Variants in HHAT observed in about 807,000 individuals in gnomAD.
HHAT encodes hedgehog acyltransferase, also known as protein-cysteine N-palmitoyltransferase HHAT.
Under a neutral mutation model 70.8 loss-of-function variants are expected in HHAT, and 47 were observed. The ratio of observed to expected loss-of-function variants is 0.66; its 90% CI spans 0.53 to 0.85. The LOEUF is 0.85. Among genes scored for constraint, HHAT ranks in the 40% least tolerant of loss-of-function variants. The pLI is 0.00. For missense variants in HHAT, 609 were observed against 604.8 expected, an observed-to-expected ratio of 1.01 and a Z score of -0.07; for synonymous variants, 228 against 247.6, an observed-to-expected ratio of 0.92 and a Z score of 0.74.
intron 3 of HHAT, among the ~76,000 whole-genome samples, chr1:210,386,222 C>CTTTTTTTTTTT (rs1295756019): frequency 1.4e-5 from 1 of 69,892 alleles, no homozygotes; most frequent in African/African-American, 5.3e-5. Flanking sequence ...GAGTCCTTTT[C>CTTTTTTTTTTT]TTTTTTTCTT....
In HHAT at chr1:210,473,042, C is replaced by G. The variant is rs564463093; in HGVS notation, c.1007+8387C>G. 5.9e-5 allele frequency among the ~76,000 whole-genome samples: 9 copies of G among 152,310 alleles called. No homozygotes were observed. The East Asian group carries it at 1.5e-3, about 26-fold the overall frequency. ...CTTCAGACCTTTAAAAGGTGCTCAA[C>G]TCTCAGCCAATCTCTTCAAGATCAG... On this transcript the variant is annotated intron_variant, in intron 8 of 11. Transcript: ENST00000261458.
intron 4 of HHAT, among the ~76,000 whole-genome samples, chr1:210,398,153 A>G (rs1435478056): frequency 6.6e-6 from 1 of 152,224 alleles, no homozygotes. Flanking sequence ...GATTCATTCC[A>G]ATAGCATTTT....
chr1:210,609,594 G>A (rs898236950), intron 10 of HHAT, among the ~76,000 whole-genome samples: 2 of 152,050 alleles, frequency 1.3e-5, no homozygotes, highest in Non-Finnish European at 2.9e-5. Flanking sequence ...GTGGTATGCT[G>A]CACAGATCAT....
intron 9 of HHAT, among the ~76,000 whole-genome samples, chr1:210,555,275 C>T (rs907186140): frequency 1.4e-4 from 22 of 152,200 alleles, no homozygotes; most frequent in East Asian, 1.9e-4. Flanking sequence ...TTCTACTCAC[C>T]CTGACCCCTC....
intron 9 of HHAT, among the ~76,000 whole-genome samples, chr1:210,577,975 C>T (rs1473571102): frequency 6.6e-6 from 1 of 152,004 alleles, no homozygotes; most frequent in Non-Finnish European, 1.5e-5. Flanking sequence ...ATGTCTTTGT[C>T]TGGCTTTGGT....
chr1:210,455,344 G>A (rs557431546), intron 7 of HHAT, among the ~76,000 whole-genome samples: 1 of 152,250 alleles, frequency 6.6e-6, no homozygotes, highest in Non-Finnish European at 1.5e-5. Flanking sequence ...ACAACACACC[G>A]CACCCTCATT....
intron 7 of HHAT, among the ~76,000 whole-genome samples, chr1:210,436,086 G>A (rs2093368049): frequency 6.6e-6 from 1 of 151,850 alleles, no homozygotes; most frequent in Non-Finnish European, 1.5e-5. Context: ...CAGTTTCATA[G>A]TTGCAGGTCT....
At chr1:210,539,299 AT>A (rs770746855) in intron 9 of HHAT, among the ~76,000 whole-genome samples, 2 of 152,174 alleles carry the variant, frequency 1.3e-5, no homozygotes, top group Non-Finnish European at 2.9e-5. Flanking sequence ...TGATTCAAGA[AT>A]TTTATATCCA....
intron 9 of HHAT, among the ~76,000 whole-genome samples, chr1:210,564,884 G>C (rs1654284538): frequency 1.3e-5 from 2 of 152,150 alleles, no homozygotes; most frequent in African/African-American, 4.8e-5. Context: ...GTCACTTAGA[G>C]ACTGTGTGTA....
intron 7 of HHAT, among the ~76,000 whole-genome samples, chr1:210,434,075 G>C (rs1278363104): frequency 6.6e-6 from 1 of 151,894 alleles, no homozygotes; most frequent in Non-Finnish European, 1.5e-5. Context: ...TAATTAATGA[G>C]GAAGTAAACA....
At chr1:210,655,637 T>A (rs181998582) in intron 11 of HHAT, among the ~76,000 whole-genome samples, 41 of 152,346 alleles carry the variant, frequency 2.7e-4, no homozygotes, top group African/African-American at 8.9e-4. Flanking sequence ...GCAGGGTCTG[T>A]AAGGCACAAA....
intron 9 of HHAT, among the ~76,000 whole-genome samples, chr1:210,520,928 A>T (rs542906171): frequency 1.3e-5 from 2 of 152,288 alleles, no homozygotes; most frequent in African/African-American, 4.8e-5. Context: ...GAATGTCTTG[A>T]TATCCTCTCA....
intron 2 of HHAT, among the ~76,000 whole-genome samples, chr1:210,357,287 A>G (rs565225335): frequency 2.3e-4 from 35 of 152,318 alleles, no homozygotes; most frequent in African/African-American, 8.2e-4. Context: ...TTGAGAAAAC[A>G]GCAGAAGCAG....
At chr1:210,418,400 G>C in intron 7 of HHAT, 75 bp downstream of exon 7, 1 of 1,269,486 alleles carries the variant, frequency 7.9e-7, no homozygotes, top group Non-Finnish European at 1.0e-6. Context: ...AGCTGGAGTG[G>C]GGGGTGAGCA....
intron 8 of HHAT, among the ~76,000 whole-genome samples, chr1:210,484,236 G>C (rs1053434560): frequency 6.6e-6 from 1 of 152,138 alleles, no homozygotes; most frequent in Non-Finnish European, 1.5e-5. Flanking sequence ...GAAAATGTCC[G>C]TAGCCTTTTT....
rs190111833 is a variant in HHAT, at chr1:210,404,430, A to T, written c.469-34A>T. The T allele has an allele frequency of 2.0e-6, 3 of 1,533,474 alleles. No individual in the cohort carries two copies. The African/African-American group carries it at 4.1e-5, about 21-fold the overall frequency. 95.0% of individuals were successfully genotyped at this position (1,533,474 alleles called of 1,614,324 possible). ...GGACTGGACGATGTCCCTGCTGGCC[A>T]CTCAAAGGTTGTTCTCTCCTTTTGA... On this transcript the variant is annotated intron_variant, in intron 5 of 11. Coordinates refer to ENST00000261458, the MANE Select transcript of HHAT (RefSeq NM_018194.6).
intron 8 of HHAT, among the ~76,000 whole-genome samples, chr1:210,469,374 T>C (rs1328836056): frequency 1.3e-5 from 2 of 152,174 alleles, no homozygotes; most frequent in East Asian, 3.9e-4. Flanking sequence ...TACTTGTCTG[T>C]TAGCCCCAGC....
chr1:210,547,254 A>AG (rs1397627052), intron 9 of HHAT, among the ~76,000 whole-genome samples: 1 of 152,154 alleles, frequency 6.6e-6, no homozygotes, highest in African/African-American at 2.4e-5. Flanking sequence ...TGAACCCGGG[A>AG]GGCAGAGGTT....
chr1:210,643,481 G>C (rs1438785193), intron 11 of HHAT, among the ~76,000 whole-genome samples: 1 of 152,202 alleles, frequency 6.6e-6, no homozygotes, highest in Non-Finnish European at 1.5e-5. Context: ...TATAGGTGGG[G>C]AAGTATCTTA....
Sources: allele counts gnomAD v4.1 joint callset (sites outside exome capture counted in the v4.1 genomes callset), GRCh38; gene constraint gnomAD v4.1.1; transcripts MANE v1.5; gene names NCBI Gene and HGNC (gene_info 2026-07-23, HGNC 2026-07-21).